The following HS6ST3 variants were observed in gnomAD, a reference collection of about 807,000 sequenced individuals.
HS6ST3 encodes the protein heparan-sulfate 6-O-sulfotransferase 3.
A neutral mutation model predicts 36.7 loss-of-function variants in HS6ST3; 12 were observed. The observed-to-expected ratio is 0.33, with a 90% CI of 0.21 to 0.53. The LOEUF (loss-of-function observed/expected upper bound fraction) is 0.53. Among genes scored for constraint, HS6ST3 ranks in the 20% least tolerant of loss-of-function variants. The pLI, the probability that HS6ST3 is intolerant of heterozygous loss-of-function variation, is 0.95. For missense variants in HS6ST3, 584 were observed against 640.9 expected, an observed-to-expected ratio of 0.91 and a Z score of 0.96; for synonymous variants, 240 against 257.5, an observed-to-expected ratio of 0.93 and a Z score of 0.65.
chr13:96,715,297 A>ATT (rs1875667717), intron 1 of HS6ST3, among the ~76,000 whole-genome samples: 5 of 152,088 alleles, frequency 3.3e-5, no homozygotes, highest in African/African-American at 9.7e-5. Flanking sequence ...TGAAGAACCA[A>ATT]TGTCTAGCTA....
chr13:96,683,008 G>T (rs1280137746), intron 1 of HS6ST3, among the ~76,000 whole-genome samples: 4 of 152,026 alleles, frequency 2.6e-5, no homozygotes, highest in Admixed American at 6.6e-5. Context: ...TTGAATGGAA[G>T]GTATTTCATG....
chr13:96,765,597 TC>T (rs1877091845), intron 1 of HS6ST3, among the ~76,000 whole-genome samples: 1 of 65,768 alleles, frequency 1.5e-5, no homozygotes, highest in African/African-American at 8.3e-5. Flanking sequence ...TTTCTCTCTC[TC>T]TCTCTCTCTC....
At chr13:96,252,716 T>G (rs2139378137) in intron 1 of HS6ST3, among the ~76,000 whole-genome samples, 1 of 152,234 alleles carries the variant, frequency 6.6e-6, no homozygotes. Context: ...GTGGGGCCTG[T>G]TGGGAGGTGT....
chr13:96,574,776 G>A (rs1369228045), intron 1 of HS6ST3, among the ~76,000 whole-genome samples: 1 of 152,112 alleles, frequency 6.6e-6, no homozygotes, highest in Non-Finnish European at 1.5e-5. Flanking sequence ...TTACTGTGTG[G>A]GTTCAGAAGA....
chr13:96,222,991 C>T (rs745319566), intron 1 of HS6ST3, among the ~76,000 whole-genome samples: 2 of 151,162 alleles, frequency 1.3e-5, no homozygotes, highest in Admixed American at 6.6e-5. Flanking sequence ...CATGGAACTG[C>T]AGAATTTATG....
At chr13:96,521,372 G>A (rs896606399) in intron 1 of HS6ST3, among the ~76,000 whole-genome samples, 7 of 152,150 alleles carry the variant, frequency 4.6e-5, no homozygotes, top group Non-Finnish European at 5.9e-5. Flanking sequence ...TATAAAATGA[G>A]TTAGGGAGGA....
At chr13:96,782,066 G>C (rs1031279791) in intron 1 of HS6ST3, among the ~76,000 whole-genome samples, 1 of 152,136 alleles carries the variant, frequency 6.6e-6, no homozygotes, top group Non-Finnish European at 1.5e-5. Context: ...CATATTTTGT[G>C]ATATATTTGC....
In HS6ST3 at chr13:96,226,030, T is replaced by C. The variant is rs561004883; in HGVS notation, c.707+134461T>C. Among the ~76,000 whole-genome samples, 3 of 152,184 alleles carry C rather than the reference T, an allele frequency of 2.0e-5. No homozygotes were observed. The East Asian group carries it at 5.8e-4, about 29-fold the overall frequency. ...GGGCTTCTGTTGCCCTCAGTGGTGG[T>C]GGGAATAATCAGGTTTCAGTGAAGA... is the stretch of plus-strand genomic sequence containing the variant. On this transcript the variant is annotated intron_variant, in intron 1 of 1. Coordinates refer to ENST00000376705, the MANE Select transcript of HS6ST3 (RefSeq NM_153456.4).
rs1473120027 is a variant in HS6ST3 at position 96,837,736 on chromosome 13, C to G, written c.*4538C>G. Reference sequence around the variant, plus strand: ...AGAGGAGGCATTCAAACACTTCTAGCAGGTTGTCTACTCCATCCAACTCAA... The same window carrying G: ...AGAGGAGGCATTCAAACACTTCTAGGAGGTTGTCTACTCCATCCAACTCAA... On this transcript the variant is annotated 3_prime_UTR_variant, in exon 2 of 2. Coordinates refer to ENST00000376705, the MANE Select transcript of HS6ST3 (RefSeq NM_153456.4). 1 of 151,884 alleles carries G rather than the reference C, an allele frequency of 6.6e-6. No homozygotes were observed. The highest frequency in any genetic ancestry group is 2.4e-5 in the African/African-American group (1 of 41,284). 9.4% of individuals were successfully genotyped at this position (151,884 alleles called of 1,614,324 possible). A position where few individuals can be genotyped will look rare whatever the true frequency, so the allele number is the denominator to read the frequency against.
intron 1 of HS6ST3, among the ~76,000 whole-genome samples, chr13:96,194,017 T>C (rs2054300694): frequency 6.6e-6 from 1 of 152,204 alleles, no homozygotes; most frequent in Non-Finnish European, 1.5e-5. Flanking sequence ...TATTGGACGT[T>C]TACAATGGGC....
chr13:96,092,390 T>C (rs2053769359), intron 1 of HS6ST3, among the ~76,000 whole-genome samples: 1 of 152,152 alleles, frequency 6.6e-6, no homozygotes, highest in Non-Finnish European at 1.5e-5. Context: ...TAAAAAACAG[T>C]AATACAGTGG....
intron 1 of HS6ST3, among the ~76,000 whole-genome samples, chr13:96,645,813 C>A (rs2056586674): frequency 6.6e-6 from 1 of 151,700 alleles, no homozygotes; most frequent in Non-Finnish European, 1.5e-5. Flanking sequence ...GGAGGAAATG[C>A]CATGGAAATT....
intron 1 of HS6ST3, among the ~76,000 whole-genome samples, chr13:96,431,714 C>G (rs2055616361): frequency 6.6e-6 from 1 of 152,120 alleles, no homozygotes; most frequent in African/African-American, 2.4e-5. Context: ...CAAATAGTTG[C>G]CCACAAGAAC....
chr13:96,671,199 T>G (rs535865150), intron 1 of HS6ST3, among the ~76,000 whole-genome samples: 1 of 152,232 alleles, frequency 6.6e-6, no homozygotes, highest in East Asian at 1.9e-4. Flanking sequence ...TTAGGAATGC[T>G]CCAAGTGTCA....
At chr13:96,272,497 T>G (rs946609436) in intron 1 of HS6ST3, among the ~76,000 whole-genome samples, 5 of 151,970 alleles carry the variant, frequency 3.3e-5, no homozygotes, top group Admixed American at 6.6e-5. Context: ...AACTTCTTGA[T>G]GTATTCTCAG....
intron 1 of HS6ST3, among the ~76,000 whole-genome samples, chr13:96,330,079 T>C (rs1244383395): frequency 6.9e-6 from 1 of 144,678 alleles, no homozygotes; most frequent in Non-Finnish European, 1.5e-5. Context: ...TGTGTGTCTC[T>C]GCATGTGAGA....
intron 1 of HS6ST3, among the ~76,000 whole-genome samples, chr13:96,372,585 T>C (rs932526099): frequency 6.6e-6 from 1 of 152,182 alleles, no homozygotes. Flanking sequence ...ACTTTTCTTA[T>C]ATGTTTTCTT....
intron 1 of HS6ST3, among the ~76,000 whole-genome samples, chr13:96,168,556 A>G (rs1217635749): frequency 6.6e-6 from 1 of 151,954 alleles, no homozygotes; most frequent in African/African-American, 2.4e-5. Flanking sequence ...AAATTAAAAA[A>G]TTAGCCAGAA....
intron 1 of HS6ST3, among the ~76,000 whole-genome samples, chr13:96,806,604 A>G (rs1878202232): frequency 6.6e-6 from 1 of 152,218 alleles, no homozygotes. Flanking sequence ...AGAAAAGCAT[A>G]TTAATGCAAA....
Sources: allele counts gnomAD v4.1 joint callset (sites outside exome capture counted in the v4.1 genomes callset), GRCh38; gene constraint gnomAD v4.1.1; transcripts MANE v1.5; gene names NCBI Gene and HGNC (gene_info 2026-07-23, HGNC 2026-07-21).